The following DPP10 variants were observed in gnomAD, a reference collection of about 807,000 sequenced individuals.
The protein encoded by DPP10 is dipeptidyl peptidase like 10, also known as inactive dipeptidyl peptidase 10.
A neutral mutation model predicts 120.9 loss-of-function variants in DPP10; 33 were observed. The ratio of observed to expected loss-of-function variants is 0.27; its 90% CI spans 0.21 to 0.37. DPP10 has a LOEUF of 0.37. Among genes scored for constraint, DPP10 ranks in the 10% least tolerant of loss-of-function variants. The pLI is 1.00. For synonymous variants in DPP10, 337 were observed against 326.1 expected, an observed-to-expected ratio of 1.03 and a Z score of -0.36; for missense variants, 816 against 942.8, an observed-to-expected ratio of 0.87 and a Z score of 1.76.
chr2:115,300,031 A>C (rs1377462083), intron 1 of DPP10, among the ~76,000 whole-genome samples: 1 of 152,044 alleles, frequency 6.6e-6, no homozygotes, highest in Non-Finnish European at 1.5e-5. Flanking sequence ...CTCTTTGGGC[A>C]ATAATACTTT....
At chr2:114,588,654 G>A (rs533523131) in intron 1 of DPP10, among the ~76,000 whole-genome samples, 56 of 152,168 alleles carry the variant, frequency 3.7e-4, no homozygotes, top group Non-Finnish European at 5.9e-4. Context: ...AATTTAAAAA[G>A]AGTTGAAAAT....
At chr2:114,792,990 T>TTGTGTGTGTGTGTGTG (rs55780807) in intron 1 of DPP10, among the ~76,000 whole-genome samples, 16 of 143,740 alleles carry the variant, frequency 1.1e-4, no homozygotes, top group African/African-American at 3.9e-4. Flanking sequence ...AACTGTATTA[T>TTGTGTGTGTGTGTGTG]TGTGTGTGTG....
At chr2:114,942,973 G>A (rs1360845017) in intron 1 of DPP10, among the ~76,000 whole-genome samples, 2 of 152,004 alleles carry the variant, frequency 1.3e-5, no homozygotes, top group African/African-American at 2.4e-5. Flanking sequence ...ATAGGTATAC[G>A]TGTGCCATGG....
rs570725407 is a variant in DPP10 at position 115,813,620 on chromosome 2, A to G, written c.1701-1173A>G. Among the ~76,000 whole-genome samples the G allele has an allele frequency of 3.9e-5, 6 of 152,308 alleles. No homozygotes were observed. In the South Asian group the frequency reaches 1.2e-3, roughly 32 times the overall value. On this transcript the variant is annotated intron_variant, in intron 19 of 25. Coordinates refer to ENST00000410059, the MANE Select transcript of DPP10 (RefSeq NM_020868.6). ...CCCCTAACAGCTTTTAATAAATTTT[A>G]GTTGCTCTGTGTTTTGTCTGATTCT... is the stretch of plus-strand genomic sequence containing the variant.
intron 1 of DPP10, among the ~76,000 whole-genome samples, chr2:114,707,991 A>G (rs184333225): frequency 2.2e-4 from 34 of 152,286 alleles, no homozygotes; most frequent in Admixed American, 3.9e-4. Flanking sequence ...GAATTCTACA[A>G]GAGTTCTTGA....
At chr2:115,558,203 C>T (rs756747031) in intron 5 of DPP10, among the ~76,000 whole-genome samples, 13 of 152,140 alleles carry the variant, frequency 8.5e-5, no homozygotes, top group Non-Finnish European at 1.8e-4. Context: ...CAGCTGGATC[C>T]ACCATGCAAC....
At chr2:115,114,160 A>G (rs73946513) in intron 1 of DPP10, among the ~76,000 whole-genome samples, 31,312 of 152,074 alleles carry the variant, frequency 0.21, 3,956 homozygotes, top group East Asian at 0.36. Flanking sequence ...AACTTTCTCA[A>G]AGAACAGTAT....
At chr2:115,533,337 C>G (rs1013437510) in intron 5 of DPP10, among the ~76,000 whole-genome samples, 2 of 152,010 alleles carry the variant, frequency 1.3e-5, no homozygotes, top group Non-Finnish European at 1.5e-5. Context: ...GCTACATCTG[C>G]TATGTTAGTA....
intron 7 of DPP10, among the ~76,000 whole-genome samples, chr2:115,702,188 T>G (rs552177870): frequency 3.9e-5 from 6 of 152,018 alleles, no homozygotes; most frequent in Non-Finnish European, 8.8e-5. Context: ...TTCTTCAAGG[T>G]CAAGTTTGTA....
intron 12 of DPP10, among the ~76,000 whole-genome samples, chr2:115,765,456 C>G (rs1680599584): frequency 1.3e-5 from 2 of 152,184 alleles, no homozygotes; most frequent in South Asian, 2.1e-4. Flanking sequence ...TAGAGCTAAA[C>G]AGATAACATT....
At chr2:115,397,123 T>G (rs2067741470) in intron 3 of DPP10, among the ~76,000 whole-genome samples, 1 of 152,238 alleles carries the variant, frequency 6.6e-6, no homozygotes, top group African/African-American at 2.4e-5. Context: ...TCACTTATAC[T>G]TAGGCCATAG....
rs562754045 is a variant in DPP10, at chr2:115,335,340, T to G, written c.176-8477T>G. Among the ~76,000 whole-genome samples the G allele has an allele frequency of 2.6e-5, 4 of 152,060 alleles. No homozygotes were observed. The South Asian group carries it at 8.3e-4, about 32-fold the overall frequency. On this transcript the variant is annotated intron_variant, in intron 2 of 25. Coordinates refer to ENST00000410059, the MANE Select transcript of DPP10 (RefSeq NM_020868.6). ...ATACAAATTAACTATTTAAATTTAT[T>G]TTTTTAATGTACATTAAAAACTGTA...
chr2:114,704,036 C>A (rs1027576787), intron 1 of DPP10, among the ~76,000 whole-genome samples: 2 of 152,214 alleles, frequency 1.3e-5, no homozygotes, highest in Non-Finnish European at 2.9e-5. Flanking sequence ...TTTCATTTAG[C>A]TCCCTTTATG....
intron 1 of DPP10, among the ~76,000 whole-genome samples, chr2:114,848,535 A>G (rs1688713016): frequency 6.6e-6 from 1 of 152,174 alleles, no homozygotes; most frequent in African/African-American, 2.4e-5. Flanking sequence ...TGCCCCAAGG[A>G]CAATAAACAA....
chr2:115,517,933 A>C (rs2077590115), intron 4 of DPP10, among the ~76,000 whole-genome samples: 1 of 152,228 alleles, frequency 6.6e-6, no homozygotes, highest in Non-Finnish European at 1.5e-5. Flanking sequence ...TGCGAAAAGC[A>C]TGGCCCTGGC....
chr2:114,892,496 CTTG>C (rs1359788056), intron 1 of DPP10, among the ~76,000 whole-genome samples: 1 of 152,178 alleles, frequency 6.6e-6, no homozygotes, highest in African/African-American at 2.4e-5. Context: ...TATGATCCAG[CTTG>C]TTATCTCCCA....
intron 5 of DPP10, among the ~76,000 whole-genome samples, chr2:115,625,013 T>A (rs2085247808): frequency 6.6e-6 from 1 of 151,498 alleles, no homozygotes; most frequent in Admixed American, 6.6e-5. Flanking sequence ...GTGTTCTCTA[T>A]CTTCCCCAGG....
chr2:115,693,143 A>G (rs2091407336), intron 7 of DPP10, among the ~76,000 whole-genome samples: 2 of 152,220 alleles, frequency 1.3e-5, no homozygotes, highest in Non-Finnish European at 2.9e-5. Context: ...TCTTGTAGAT[A>G]TTTAGATAAA....
At chr2:114,789,980 C>T (rs1353783196) in intron 1 of DPP10, among the ~76,000 whole-genome samples, 1 of 152,196 alleles carries the variant, frequency 6.6e-6, no homozygotes, top group Admixed American at 6.5e-5. Context: ...AGACAACCAA[C>T]TTTAGCTAGT....
Sources: gnomAD v4.1 joint callset for allele counts (sites outside exome capture counted in the v4.1 genomes callset) on GRCh38, gnomAD v4.1.1 for gene constraint, MANE v1.5 for transcripts, NCBI Gene and HGNC (gene_info 2026-07-23, HGNC 2026-07-21) for gene names.